MBNL2: variants seen among roughly 807,000 people sequenced by gnomAD.
MBNL2 encodes the protein muscleblind like splicing regulator 2, also known as muscleblind-like protein 2.
MBNL2 carries 17 observed loss-of-function variants against 41.9 expected under a neutral mutation model. That is an observed-to-expected ratio of 0.41 (90% CI 0.28 to 0.61). The LOEUF (loss-of-function observed/expected upper bound fraction) is 0.61. Among genes scored for constraint, MBNL2 ranks in the 20% least tolerant of loss-of-function variants. The pLI, the probability that MBNL2 is intolerant of heterozygous loss-of-function variation, is 0.35. For synonymous variants in MBNL2, 195 were observed against 182.9 expected (o/e 1.07, Z -0.53); for missense variants, 336 against 505.6 (o/e 0.66, Z 3.22).
chr13:97,305,996 T>C (rs187685965), intron 2 of MBNL2, among the ~76,000 whole-genome samples: 135 of 152,292 alleles, frequency 8.9e-4, no homozygotes, highest in Non-Finnish European at 7.2e-4. Flanking sequence ...TTCTCTGCCC[T>C]GAGCCCGGAG....
chr13:97,278,154 T>C (rs2052559736), intron 2 of MBNL2, among the ~76,000 whole-genome samples: 1 of 147,044 alleles, frequency 6.8e-6, no homozygotes, highest in Non-Finnish European at 1.5e-5. Context: ...CTTGAGAGGC[T>C]GAGGCAGGAG....
At chr13:97,182,642 G>A in the MBNL2 span, among the ~76,000 whole-genome samples, 1,462 of 152,246 alleles carry the variant, frequency 9.6e-3, 18 homozygotes, top group African/African-American at 0.019. Context: ...GGAGGTTAAC[G>A]CACTTTTGAC....
chr13:97,200,028 G>A, the MBNL2 span, among the ~76,000 whole-genome samples: 6 of 152,200 alleles, frequency 3.9e-5, no homozygotes, highest in African/African-American at 1.4e-4. Context: ...ATAATTGAGA[G>A]CAAGAGCAAA....
At chr13:97,224,747 A>C (rs1594054914) in intron 1 of MBNL2, among the ~76,000 whole-genome samples, 1 of 152,154 alleles carries the variant, frequency 6.6e-6, no homozygotes, top group Non-Finnish European at 1.5e-5. Context: ...GAGTATTAAG[A>C]TACATAGTCA....
At chr13:97,251,065 C>T (rs2046411042) in intron 1 of MBNL2, among the ~76,000 whole-genome samples, 1 of 151,688 alleles carries the variant, frequency 6.6e-6, no homozygotes, top group African/African-American at 2.4e-5. Flanking sequence ...GGTGCAGCTA[C>T]TGGGCAGAAC....
At chr13:97,309,251 A>C (rs1374108015) in intron 2 of MBNL2, among the ~76,000 whole-genome samples, 1 of 152,182 alleles carries the variant, frequency 6.6e-6, no homozygotes, top group Non-Finnish European at 1.5e-5. Flanking sequence ...AAAAATGTCA[A>C]AATGACCTTT....
intron 1 of MBNL2, among the ~76,000 whole-genome samples, chr13:97,232,903 T>A (rs546764420): frequency 6.9e-6 from 1 of 144,506 alleles, no homozygotes; most frequent in Non-Finnish European, 1.5e-5. Flanking sequence ...GCACGTACAC[T>A]GAATGAACTT....
the MBNL2 span, among the ~76,000 whole-genome samples, chr13:97,154,303 T>A: frequency 6.6e-6 from 1 of 152,092 alleles, no homozygotes; most frequent in Admixed American, 6.6e-5. Context: ...TTTTACCCGT[T>A]GGTTTTTTGT....
At chr13:97,180,022 C>T in the MBNL2 span, among the ~76,000 whole-genome samples, 1 of 152,078 alleles carries the variant, frequency 6.6e-6, no homozygotes, top group South Asian at 2.1e-4. Context: ...GTATGAAGTA[C>T]AGAGAATGTA....
the MBNL2 span, chr13:97,172,590 A>G: frequency 6.6e-6 from 1 of 152,200 alleles, no homozygotes; most frequent in Non-Finnish European, 1.5e-5. Flanking sequence ...GGAAGCTTAC[A>G]TATATGAAGA....
chr13:97,196,348 C>A, the MBNL2 span, among the ~76,000 whole-genome samples: 1 of 152,170 alleles, frequency 6.6e-6, no homozygotes, highest in Non-Finnish European at 1.5e-5. Flanking sequence ...TGCCCTTCCC[C>A]TTTTTGTTGC....
At chr13:97,387,220 T>A (rs1452738702) in intron 8 of MBNL2, among the ~76,000 whole-genome samples, 1 of 152,102 alleles carries the variant, frequency 6.6e-6, no homozygotes, top group African/African-American at 2.4e-5. Flanking sequence ...TTGTTGAATA[T>A]CTTTGATTTC....
rs74109435 is a variant in MBNL2 at position 97,286,153 on chromosome 13, A to G, written c.174+9744A>G. Among the ~76,000 whole-genome samples, 783 of 152,310 alleles carry G rather than the reference A, an allele frequency of 5.1e-3. 8 individuals carry two copies. The highest frequency in any genetic ancestry group is 0.018 in the African/African-American group (730 of 41,556). On this transcript the variant is annotated intron_variant, in intron 2 of 8. Transcript: ENST00000679496. Reference sequence around the variant, plus strand: ...CCTTAACTCTAGTCTTATGTATTCAACTGCTTACCTGACATATCTACTTGG... The same window carrying G: ...CCTTAACTCTAGTCTTATGTATTCAGCTGCTTACCTGACATATCTACTTGG...
intron 7 of MBNL2, among the ~76,000 whole-genome samples, chr13:97,361,070 A>C (rs1199342750): frequency 6.6e-6 from 1 of 152,222 alleles, no homozygotes; most frequent in African/African-American, 2.4e-5. Flanking sequence ...TTCCAGAGCC[A>C]GTAATGAGAA....
chr13:97,258,308 T>C (rs931735658), intron 1 of MBNL2, among the ~76,000 whole-genome samples: 2 of 152,152 alleles, frequency 1.3e-5, no homozygotes, highest in African/African-American at 4.8e-5. Context: ...TCCTGAAAGA[T>C]AAGAGGAATT....
intron 2 of MBNL2, among the ~76,000 whole-genome samples, chr13:97,323,040 A>G (rs190216745): frequency 6.6e-6 from 1 of 152,212 alleles, no homozygotes; most frequent in East Asian, 1.9e-4. Flanking sequence ...TTGACACTAA[A>G]CAGGCTTGGG....
the MBNL2 span, among the ~76,000 whole-genome samples, chr13:97,145,808 C>T: frequency 6.6e-6 from 1 of 152,150 alleles, no homozygotes; most frequent in Admixed American, 6.5e-5. Flanking sequence ...TATAAGGCTT[C>T]TTCCTGGTTC....
intron 2 of MBNL2, among the ~76,000 whole-genome samples, chr13:97,307,415 C>T (rs992899182): frequency 1.3e-5 from 2 of 151,514 alleles, no homozygotes; most frequent in African/African-American, 2.4e-5. Context: ...AAACCTGGAG[C>T]GTATTTTCCC....
intron 2 of MBNL2, among the ~76,000 whole-genome samples, chr13:97,307,221 G>T (rs1220180029): frequency 6.6e-6 from 1 of 152,040 alleles, no homozygotes; most frequent in South Asian, 2.1e-4. Context: ...CTAGTTGGTT[G>T]TCAGAAATCC....
Sources: allele counts gnomAD v4.1 joint callset (sites outside exome capture counted in the v4.1 genomes callset), GRCh38; gene constraint gnomAD v4.1.1; transcripts MANE v1.5; gene names NCBI Gene and HGNC (gene_info 2026-07-23, HGNC 2026-07-21).